MS4A13: variants seen among roughly 807,000 people sequenced by gnomAD.
MS4A13 encodes membrane spanning 4-domains A13.
MS4A13 carries 21 observed loss-of-function variants against 18.4 expected under a neutral mutation model. The observed-to-expected ratio is 1.14, with a 90% CI of 0.81 to 1.64. MS4A13 has a LOEUF of 1.64. Among genes scored for constraint, MS4A13 ranks in the 40% most tolerant of loss-of-function variants. The probability of loss-of-function intolerance (pLI) is 0.00; values close to 1 mark genes in which losing one functional copy is unlikely to be tolerated. For synonymous variants in MS4A13, 62 were observed against 57.2 expected, an observed-to-expected ratio of 1.08 and a Z score of -0.38; for missense variants, 173 against 176.8, an observed-to-expected ratio of 0.98 and a Z score of 0.12.
At chr11:60,528,931 T>C (rs1459117990) in intron 5 of MS4A13, among the ~76,000 whole-genome samples, 1 of 152,218 alleles carries the variant, frequency 6.6e-6, no homozygotes, top group African/African-American at 2.4e-5. Flanking sequence ...TCACCATGTA[T>C]GTAAATTTAA....
At chr11:60,538,058 G>C (rs1304970674) in intron 6 of MS4A13, among the ~76,000 whole-genome samples, 1 of 150,456 alleles carries the variant, frequency 6.6e-6, no homozygotes, top group African/African-American at 2.4e-5. Context: ...GGATGGCATT[G>C]GGAGATATAC....
chr11:60,541,769 C>T (rs1448479519), intron 6 of MS4A13, among the ~76,000 whole-genome samples: 1 of 151,982 alleles, frequency 6.6e-6, no homozygotes, highest in African/African-American at 2.4e-5. Context: ...TTTGAAGGTA[C>T]ACCAAAAGAT....
chr11:60,530,389 C>G (rs2086756456), intron 6 of MS4A13, among the ~76,000 whole-genome samples: 1 of 152,150 alleles, frequency 6.6e-6, no homozygotes. Context: ...TCAAGGAAGA[C>G]TACTATGATC....
intron 3 of MS4A13, among the ~76,000 whole-genome samples, chr11:60,519,467 G>A (rs575578647): frequency 6.6e-6 from 1 of 152,176 alleles, no homozygotes; most frequent in South Asian, 2.1e-4. Flanking sequence ...ATTATGAGCT[G>A]AGATTGAGTA....
At chr11:60,517,992 A>G in intron 2 of MS4A13, 80 bp from the exon 3 acceptor site, 3 of 1,124,458 alleles carry the variant, frequency 2.7e-6, no homozygotes, top group South Asian at 1.8e-5. Flanking sequence ...AAGGTGTTAA[A>G]TGCTTCTTAT....
chr11:60,519,996 C>T (rs1406206101), intron 3 of MS4A13, among the ~76,000 whole-genome samples: 2 of 152,120 alleles, frequency 1.3e-5, no homozygotes, highest in African/African-American at 4.8e-5. Flanking sequence ...GAGTGAGTGA[C>T]TAAGATAGTT....
chr11:60,520,935 T>C (rs2086669859), intron 3 of MS4A13, among the ~76,000 whole-genome samples: 1 of 152,232 alleles, frequency 6.6e-6, no homozygotes, highest in African/African-American at 2.4e-5. Context: ...GGCAGTTCCA[T>C]ATATCCTCTG....
At chr11:60,524,008 T>C in intron 4 of MS4A13, 55 bp downstream of exon 4, 3 of 1,080,702 alleles carry the variant, frequency 2.8e-6, no homozygotes, top group African/African-American at 1.5e-5. Context: ...AAGCTAAATA[T>C]TAAGTTTTAA....
chr11:60,532,664 C>T (rs1391023484), intron 6 of MS4A13, among the ~76,000 whole-genome samples: 40 of 150,996 alleles, frequency 2.6e-4, no homozygotes, highest in African/African-American at 5.8e-4. Flanking sequence ...CTGGGTGGAG[C>T]CCACCACAGC....
intron 3 of MS4A13, among the ~76,000 whole-genome samples, chr11:60,520,651 C>A (rs1241161535): frequency 6.6e-6 from 1 of 152,250 alleles, no homozygotes; most frequent in Non-Finnish European, 1.5e-5. Context: ...TTGGGCTGCT[C>A]TACCCCTGTG....
At chr11:60,533,826 G>A (rs1352810361) in intron 6 of MS4A13, among the ~76,000 whole-genome samples, 8 of 76,472 alleles carry the variant, frequency 1.0e-4, no homozygotes, top group South Asian at 6.4e-4. Context: ...TGGATCTCTC[G>A]GCAGAAACCC....
chr11:60,529,338 A>C (rs372185518), intron 5 of MS4A13, 27 bp from the exon 6 acceptor site: 1 of 1,375,898 alleles, frequency 7.3e-7, no homozygotes, highest in African/African-American at 1.5e-5. Flanking sequence ...AATAGCATTA[A>C]GATTTCTCCC....
chr11:60,529,257 T>TG (rs1396858244), intron 5 of MS4A13, 108 bp from the exon 6 acceptor site: 1 of 177,216 alleles, frequency 5.6e-6, no homozygotes, highest in Admixed American at 7.3e-5. Context: ...TTTCCTTCCT[T>TG]TTTTTTTTTT....
chr11:60,521,554 A>G (rs2086673876), intron 3 of MS4A13, among the ~76,000 whole-genome samples: 1 of 152,212 alleles, frequency 6.6e-6, no homozygotes. Context: ...AAACATAACA[A>G]GAGTCACCTT....
intron 3 of MS4A13, among the ~76,000 whole-genome samples, chr11:60,522,234 A>ATATATATATATATC (rs1402742805): frequency 0.061 from 6,594 of 108,506 alleles, 227 homozygotes; most frequent in East Asian, 0.14. Flanking sequence ...ATAGATAGAT[A>ATATATATATATATC]GATAGATGTA....
chr11:60,526,308 T>C (rs2086712777), intron 5 of MS4A13, among the ~76,000 whole-genome samples: 2 of 152,222 alleles, frequency 1.3e-5, no homozygotes, highest in Non-Finnish European at 1.5e-5. Flanking sequence ...ACATTCAATC[T>C]AGAAATCTTT....
intron 6 of MS4A13, among the ~76,000 whole-genome samples, chr11:60,541,900 A>G (rs999493831): frequency 1.3e-5 from 2 of 152,078 alleles, no homozygotes; most frequent in Non-Finnish European, 2.9e-5. Flanking sequence ...GGAGTTCAAG[A>G]TCAGCTTGGT....
chr11:60,530,928 C>T (rs544737510), intron 6 of MS4A13, among the ~76,000 whole-genome samples: 15 of 152,304 alleles, frequency 9.8e-5, no homozygotes, highest in African/African-American at 3.4e-4. Flanking sequence ...CCTTGCTTCC[C>T]CTTTGCCTTA....
At chr11:60,528,610 G>A (rs948964129) in intron 5 of MS4A13, among the ~76,000 whole-genome samples, 3 of 152,196 alleles carry the variant, frequency 2.0e-5, no homozygotes, top group African/African-American at 2.4e-5. Context: ...GAAGGAGGAG[G>A]AAGAGTTAGA....
Sources: gnomAD v4.1 joint callset for allele counts (sites outside exome capture counted in the v4.1 genomes callset) on GRCh38, gnomAD v4.1.1 for gene constraint, MANE v1.5 for transcripts, NCBI Gene and HGNC (gene_info 2026-07-23, HGNC 2026-07-21) for gene names.